Variants in CLIC5 observed in about 807,000 individuals in gnomAD.
The protein encoded by CLIC5 is chloride intracellular channel protein 5.
CLIC5 carries 20 observed loss-of-function variants against 24.7 expected under a neutral mutation model. The ratio of observed to expected loss-of-function variants is 0.81; its 90% CI spans 0.57 to 1.18. The LOEUF is 1.18. CLIC5 is among the 50% of genes most tolerant of loss of function. The pLI is 0.00. For missense variants in CLIC5, 341 were observed against 326.1 expected, an observed-to-expected ratio of 1.05 and a Z score of -0.35; for synonymous variants, 159 against 135.6, an observed-to-expected ratio of 1.17 and a Z score of -1.20.
intron 4 of CLIC5, among the ~76,000 whole-genome samples, chr6:45,914,865 C>T (rs528514159): frequency 5.1e-4 from 77 of 150,846 alleles, no homozygotes; most frequent in African/African-American, 1.1e-3. Flanking sequence ...GCAAGAGAAT[C>T]GCTTGAACCC....
At chr6:46,076,660 C>G (rs1762778898) in intron 1 of CLIC5, among the ~76,000 whole-genome samples, 1 of 152,172 alleles carries the variant, frequency 6.6e-6, no homozygotes, top group Admixed American at 6.5e-5. Flanking sequence ...AGACTTCTGA[C>G]CCCCAGAACT....
intron 1 of CLIC5, among the ~76,000 whole-genome samples, chr6:45,971,448 T>C (rs185962316): frequency 9.2e-5 from 14 of 152,246 alleles, no homozygotes; most frequent in Admixed American, 2.0e-4. Context: ...TAAGCCAGGG[T>C]GAGCCAAAGT....
chr6:46,088,467 A>G, the CLIC5 span, among the ~76,000 whole-genome samples: 14 of 152,252 alleles, frequency 9.2e-5, no homozygotes, highest in South Asian at 2.9e-3. Flanking sequence ...AGATGTATGT[A>G]TTTTATATCA....
chr6:46,005,571 C>T (rs1766520813), intron 1 of CLIC5, among the ~76,000 whole-genome samples: 2 of 152,124 alleles, frequency 1.3e-5, no homozygotes, highest in African/African-American at 4.8e-5. Flanking sequence ...AAGTCTGGAT[C>T]CCCCAGCTTG....
At position 46,015,596 on chromosome 6, in the gene CLIC5, C is replaced by T; in HGVS notation, c.-54G>A. On this transcript the variant is annotated 5_prime_UTR_variant, in exon 1 of 6. Transcript: ENST00000339561. ...GGCCGGGGAGGCGCCACCTCTGCAGCACCTGGGCCAGCACTCTGCGCTCCT... is the reference window on the plus strand; with the variant it reads ...GGCCGGGGAGGCGCCACCTCTGCAGTACCTGGGCCAGCACTCTGCGCTCCT... The T allele has an allele frequency of 1.9e-5, 29 of 1,526,766 alleles. No individual in the cohort carries two copies. The highest frequency in any genetic ancestry group is 2.6e-5 in the Non-Finnish European group (29 of 1,136,296). The allele number at this position is 1,526,766 out of a possible 1,614,324, so 94.6% of individuals were successfully genotyped here. A position where few individuals can be genotyped will look rare whatever the true frequency, so the allele number is the denominator to read the frequency against.
intron 1 of CLIC5, among the ~76,000 whole-genome samples, chr6:46,006,075 T>C (rs1561998850): frequency 1.7e-5 from 2 of 115,346 alleles, no homozygotes; most frequent in African/African-American, 7.0e-5. Flanking sequence ...TAAATATATA[T>C]ATACACATGT....
the CLIC5 span, among the ~76,000 whole-genome samples, chr6:46,102,288 G>A: frequency 7.9e-5 from 12 of 152,334 alleles, 1 homozygote; most frequent in African/African-American, 2.6e-4. Context: ...CTAATAGATG[G>A]AGTTGGGAAA....
intron 1 of CLIC5, among the ~76,000 whole-genome samples, chr6:45,982,731 G>A (rs777985501): frequency 4.1e-4 from 63 of 152,202 alleles, no homozygotes; most frequent in Admixed American, 2.6e-4. Context: ...CAACTCATGA[G>A]ACATTTTACA....
At chr6:46,069,965 CA>C (rs371842960) in intron 1 of CLIC5, among the ~76,000 whole-genome samples, 2 of 151,904 alleles carry the variant, frequency 1.3e-5, no homozygotes, top group Non-Finnish European at 2.9e-5. Context: ...GAACTAAAGA[CA>C]AAAAAACGTG....
At chr6:46,111,865 T>G in the CLIC5 span, among the ~76,000 whole-genome samples, 4 of 152,134 alleles carry the variant, frequency 2.6e-5, no homozygotes, top group African/African-American at 9.7e-5. Context: ...ATAAGTCTCA[T>G]GAGATCTGAT....
chr6:45,969,658 A>G (rs577299954), intron 1 of CLIC5, among the ~76,000 whole-genome samples: 1 of 152,266 alleles, frequency 6.6e-6, no homozygotes, highest in African/African-American at 2.4e-5. Context: ...AATCCTTTGG[A>G]AAGTCATCTT....
At chr6:46,034,828 G>A (rs1767616511) in intron 1 of CLIC5, among the ~76,000 whole-genome samples, 1 of 152,214 alleles carries the variant, frequency 6.6e-6, no homozygotes, top group South Asian at 2.1e-4. Flanking sequence ...GAGCAGGCAT[G>A]TAGGGCACGG....
At chr6:45,930,246 A>G (rs1260475714) in intron 4 of CLIC5, among the ~76,000 whole-genome samples, 2 of 152,158 alleles carry the variant, frequency 1.3e-5, no homozygotes, top group East Asian at 3.9e-4. Flanking sequence ...CAGCCCTCCC[A>G]GGCCGCTCTG....
At chr6:45,972,036 T>C (rs1275735601) in intron 1 of CLIC5, among the ~76,000 whole-genome samples, 1 of 152,124 alleles carries the variant, frequency 6.6e-6, no homozygotes, top group Non-Finnish European at 1.5e-5. Context: ...TTGTTCAAAA[T>C]GTAGCCTGCA....
intron 1 of CLIC5, among the ~76,000 whole-genome samples, chr6:46,006,730 C>G (rs974896760): frequency 3.4e-5 from 5 of 146,920 alleles, no homozygotes; most frequent in Middle Eastern, 3.5e-3. Context: ...GGCTGGAGTA[C>G]AGTGGTGCAA....
At chr6:45,936,416 G>T (rs562192865) in intron 4 of CLIC5, among the ~76,000 whole-genome samples, 7 of 152,042 alleles carry the variant, frequency 4.6e-5, no homozygotes, top group Non-Finnish European at 1.0e-4. Flanking sequence ...TGTTGGTCAG[G>T]CTGGTCTCGA....
intron 5 of CLIC5, chr6:45,911,542 G>T (rs1327717986): frequency 1.1e-6 from 1 of 907,736 alleles, no homozygotes; most frequent in Non-Finnish European, 1.3e-6. Flanking sequence ...TATCAGAGTG[G>T]ATGAAAAGGG....
chr6:45,956,284 T>C (rs1253931473), intron 1 of CLIC5, among the ~76,000 whole-genome samples: 1 of 152,182 alleles, frequency 6.6e-6, no homozygotes, highest in Non-Finnish European at 1.5e-5. Context: ...CCCAACATAA[T>C]ACTTAGAGGA....
At chr6:45,969,426 C>T (rs546142062) in intron 1 of CLIC5, among the ~76,000 whole-genome samples, 7 of 152,112 alleles carry the variant, frequency 4.6e-5, no homozygotes, top group Admixed American at 2.0e-4. Context: ...TTTTGGAAGG[C>T]TGTCCCCACC....
Sources: allele counts gnomAD v4.1 joint callset (sites outside exome capture counted in the v4.1 genomes callset), GRCh38; gene constraint gnomAD v4.1.1; transcripts MANE v1.5; gene names NCBI Gene and HGNC (gene_info 2026-07-23, HGNC 2026-07-21).